The following FYB2 variants were observed in gnomAD, a reference collection of about 807,000 sequenced individuals.
FYB2 encodes FYN binding protein 2.
In FYB2, 103 loss-of-function variants were observed where a neutral mutation model predicts 94.1. The observed-to-expected ratio is 1.09, with a 90% CI of 0.93 to 1.29. FYB2 has a LOEUF of 1.29. Among genes scored for constraint, FYB2 ranks in the 50% most tolerant of loss-of-function variants. The probability of loss-of-function intolerance (pLI) is 0.00; values close to 1 mark genes in which losing one functional copy is unlikely to be tolerated. For missense variants in FYB2, 896 were observed against 841.5 expected (o/e 1.06, Z -0.80); for synonymous variants, 293 against 287.9 (o/e 1.02, Z -0.18).
rs548246557 is a variant in FYB2, at chr1:56,761,107, C to T, written c.1064-2357G>A. On this transcript the variant is annotated intron_variant, in intron 5 of 19. Transcript: ENST00000343433. ...TCCTCCAACTGCTAGTGTCACAACA[C>T]GGTCATGTCTTGGAGGCCTTTTGTT... Among the ~76,000 whole-genome samples, 28 of 152,306 alleles carry T rather than the reference C, an allele frequency of 1.8e-4. 1 individual carries two copies. In the South Asian group the frequency reaches 4.1e-3, roughly 23 times the overall value.
chr1:56,734,774 C>T (rs979434802), intron 15 of FYB2, among the ~76,000 whole-genome samples: 2 of 151,930 alleles, frequency 1.3e-5, no homozygotes, highest in Non-Finnish European at 2.9e-5. Flanking sequence ...TGTAACAAAC[C>T]TTCACATTGT....
chr1:56,805,930 C>T (rs1466800474), intron 1 of FYB2, among the ~76,000 whole-genome samples: 3 of 152,150 alleles, frequency 2.0e-5, no homozygotes, highest in Non-Finnish European at 2.9e-5. Context: ...ATTACCCAGT[C>T]TTTATCAGCA....
chr1:56,790,128 T>A (rs1001152936), intron 2 of FYB2, among the ~76,000 whole-genome samples: 5 of 152,212 alleles, frequency 3.3e-5, no homozygotes, highest in Admixed American at 1.3e-4. Context: ...ACTGCTTTGA[T>A]TTTTCATTTA....
chr1:56,787,309 A>G, intron 3 of FYB2, 101 bp from the exon 4 acceptor site: 1 of 1,436,386 alleles, frequency 7.0e-7, no homozygotes, highest in South Asian at 1.2e-5. Context: ...TAATGTGGAG[A>G]GTGGAAGCTT....
At chr1:56,772,127 C>T (rs186898842) in intron 4 of FYB2, among the ~76,000 whole-genome samples, 158 of 152,200 alleles carry the variant, frequency 1.0e-3, no homozygotes, top group African/African-American at 3.7e-3. Context: ...AAATTATAGG[C>T]TATGCCATAG....
In FYB2 at chr1:56,723,864, G is replaced by T. The variant is rs563409215; in HGVS notation, c.1881-183C>A. 1.1e-3 allele frequency among the ~76,000 whole-genome samples: 171 copies of T among 151,944 alleles called. 1 individual carries two copies. The highest frequency in any genetic ancestry group is 2.1e-3 in the Non-Finnish European group (142 of 67,954). ...GTGTATATGTACACACACGTATGTA[G>T]GTTCATAATACAAATACACACATAT... On this transcript the variant is annotated intron_variant, in intron 16 of 19. Coordinates refer to ENST00000343433, the MANE Select transcript of FYB2 (RefSeq NM_001004303.5).
chr1:56,815,158 C>T lies in FYB2; in HGVS notation c.9+4124G>A, dbSNP rs114933333. ...TGCTCTAGTAGCACCTTGCTGCCAA[C>T]TATCCCCAACTATCACCCTGCCATA... On this transcript the variant is annotated intron_variant, in intron 1 of 19. Transcript: ENST00000343433. Among the ~76,000 whole-genome samples the T allele has an allele frequency of 5.1e-3, 777 of 152,276 alleles. 4 individuals carry two copies. Among genetic ancestry groups the T allele is most frequent in the African/African-American group, 0.018 (737 of 41,552 alleles).
intron 9 of FYB2, among the ~76,000 whole-genome samples, chr1:56,747,942 C>A (rs1431583100): frequency 6.6e-6 from 1 of 152,152 alleles, no homozygotes; most frequent in Non-Finnish European, 1.5e-5. Flanking sequence ...AACTGTCATT[C>A]TAACTGGCGT....
chr1:56,809,023 A>G (rs1378238928), intron 1 of FYB2, among the ~76,000 whole-genome samples: 1 of 152,238 alleles, frequency 6.6e-6, no homozygotes, highest in Non-Finnish European at 1.5e-5. Flanking sequence ...AGATATAAAT[A>G]TAGCATACAA....
At chr1:56,754,847 C>T (rs533698126) in intron 7 of FYB2, among the ~76,000 whole-genome samples, 1 of 152,144 alleles carries the variant, frequency 6.6e-6, no homozygotes, top group South Asian at 2.1e-4. Flanking sequence ...AAATGTTGAA[C>T]TAAATAATGA....
At chr1:56,783,781 T>C (rs1206426543) in intron 4 of FYB2, among the ~76,000 whole-genome samples, 1 of 152,196 alleles carries the variant, frequency 6.6e-6, no homozygotes, top group Admixed American at 6.5e-5. Flanking sequence ...CCATAGTGGA[T>C]GCTCAATAAA....
chr1:56,751,618 G>C (rs1230752398), intron 8 of FYB2, among the ~76,000 whole-genome samples: 4 of 152,116 alleles, frequency 2.6e-5, no homozygotes, highest in Admixed American at 2.6e-4. Context: ...CCAGAACCTT[G>C]TTCCAAGGGA....
Position 56,742,194 on chromosome 1 carries a change from A to G in FYB2, c.1571T>C (p.Val524Ala). Reference sequence around the variant, plus strand: ...TGGGTAGTTGTTCTTTGTTTTGTAGACATCTTCATACAGTTCTCTATTTTC... The same window carrying G: ...TGGGTAGTTGTTCTTTGTTTTGTAGGCATCTTCATACAGTTCTCTATTTTC... ...SEENRELYED[V>A]YKTKNNYPKI... The change falls in exon 12 of 20, where the codon GTC becomes GCC. Residue 524 changes from valine to alanine, a missense_variant. Coordinates refer to ENST00000343433, the MANE Select transcript of FYB2 (RefSeq NM_001004303.5). 4 of 1,604,306 alleles carry G rather than the reference A, an allele frequency of 2.5e-6. No individual in the cohort carries two copies. The highest frequency in any genetic ancestry group is 2.6e-6 in the Non-Finnish European group (3 of 1,172,612).
intron 7 of FYB2, 133 bp from the exon 8 acceptor site, chr1:56,754,068 G>A (rs1198247281): frequency 3.2e-6 from 2 of 632,098 alleles, no homozygotes; most frequent in Non-Finnish European, 5.5e-6. Flanking sequence ...TTAGATGAAG[G>A]GACTAGGATC....
intron 1 of FYB2, among the ~76,000 whole-genome samples, chr1:56,795,882 G>A (rs896717445): frequency 9.2e-5 from 14 of 152,138 alleles, no homozygotes; most frequent in Admixed American, 2.0e-4. Context: ...CTAGTTCAGC[G>A]GGGAGCAAAC....
chr1:56,719,274 C>T lies in FYB2; in HGVS notation c.*397G>A, dbSNP rs1019304759. The T allele has an allele frequency of 6.1e-6, 1 of 164,858 alleles. No individual in the cohort carries two copies. The highest frequency in any genetic ancestry group is 1.3e-5 in the Non-Finnish European group (1 of 76,164). The allele number at this position is 164,858 out of a possible 1,614,324, so 10.2% of individuals were successfully genotyped here. Reference sequence around the variant, plus strand: ...AATTAAATTATACCAAGTTTGAGTGCACAACATCTAGAAATTACAAATGCT... The same window carrying T: ...AATTAAATTATACCAAGTTTGAGTGTACAACATCTAGAAATTACAAATGCT... On this transcript the variant is annotated 3_prime_UTR_variant, in exon 20 of 20. Coordinates refer to ENST00000343433, the MANE Select transcript of FYB2 (RefSeq NM_001004303.5).
rs370398463 is a variant in FYB2 at position 56,792,449 on chromosome 1, C to T, written c.364G>A (p.Val122Ile). 6.2e-7 allele frequency: 1 copy of T among 1,614,204 alleles called. No homozygotes were observed. Among genetic ancestry groups the T allele is most frequent in the Non-Finnish European group, 8.5e-7 (1 of 1,180,034 alleles). The change falls in exon 2 of 20, where the codon GTT becomes ATT. Residue 122 changes from valine to isoleucine, a missense_variant. By Grantham distance (29) the Val-to-Ile change is conservative. Coordinates refer to ENST00000343433, the MANE Select transcript of FYB2 (RefSeq NM_001004303.5). Reference sequence around the variant, plus strand: ...ACTTTTTCCTTAGTGATTATCTCAACATTTGATTGAGTCACCTCTAACAGC... The same window carrying T: ...ACTTTTTCCTTAGTGATTATCTCAATATTTGATTGAGTCACCTCTAACAGC... ...SLLLEVTQSN[V>I]EIITKEKVMV...
Position 56,720,215 on chromosome 1 carries a change from T to C in FYB2, c.2089A>G (p.Thr697Ala), listed in dbSNP as rs1462566734. The C allele has an allele frequency of 1.9e-6, 3 of 1,611,836 alleles. No individual in the cohort carries two copies. The highest frequency in any genetic ancestry group is 3.3e-5 in the Admixed American group (2 of 59,762). The change falls in exon 18 of 20, where the codon ACC becomes GCC. Residue 697 changes from threonine to alanine, a missense_variant. Physicochemically the swap from Thr to Ala is moderately conservative, Grantham distance 58. Coordinates refer to ENST00000343433, the MANE Select transcript of FYB2 (RefSeq NM_001004303.5). Reference sequence around the variant, plus strand: ...CGACATATCACTAGATTTTGTTCGGTGGTATCAATGACTTCCAATTCTTCT... The same window carrying C: ...CGACATATCACTAGATTTTGTTCGGCGGTATCAATGACTTCCAATTCTTCT... Reference protein sequence around the residue: ...PGEELEVIDTTEQNLVICRNS... With the variant: ...PGEELEVIDTAEQNLVICRNS...
chr1:56,768,455 T>C (rs1645678422), intron 4 of FYB2, among the ~76,000 whole-genome samples: 1 of 152,166 alleles, frequency 6.6e-6, no homozygotes, highest in Admixed American at 6.5e-5. Flanking sequence ...GGGAATGAGC[T>C]TGGAAGTTTG....
Sources: allele counts gnomAD v4.1 joint callset (sites outside exome capture counted in the v4.1 genomes callset), GRCh38; gene constraint gnomAD v4.1.1; transcripts MANE v1.5; gene names NCBI Gene and HGNC (gene_info 2026-07-23, HGNC 2026-07-21).